Variants in RAB3GAP2 observed in about 807,000 individuals in gnomAD.
RAB3GAP2 encodes rab3 GTPase-activating protein non-catalytic subunit.
RAB3GAP2 carries 87 observed loss-of-function variants against 185.3 expected under a neutral mutation model. The ratio of observed to expected loss-of-function variants is 0.47; its 90% CI spans 0.39 to 0.56. The LOEUF (loss-of-function observed/expected upper bound fraction) is 0.56. RAB3GAP2 is among the 20% of genes least tolerant of loss of function. The probability of loss-of-function intolerance (pLI) is 0.00; values close to 1 mark genes in which losing one functional copy is unlikely to be tolerated. For missense variants in RAB3GAP2, 1,492 were observed against 1,638.2 expected, an observed-to-expected ratio of 0.91 and a Z score of 1.54; for synonymous variants, 554 against 576.1, an observed-to-expected ratio of 0.96 and a Z score of 0.55.
intron 9 of RAB3GAP2, among the ~76,000 whole-genome samples, chr1:220,201,372 T>C (rs1183804860): frequency 6.6e-6 from 1 of 152,222 alleles, no homozygotes; most frequent in East Asian, 1.9e-4. Flanking sequence ...GACTGATTTA[T>C]ATGGTCATTA....
chr1:220,227,755 T>G (rs1226802383), intron 2 of RAB3GAP2, among the ~76,000 whole-genome samples: 1 of 152,172 alleles, frequency 6.6e-6, no homozygotes, highest in African/African-American at 2.4e-5. Flanking sequence ...TTTTGTTTGT[T>G]TGTCTGTTTG....
intron 1 of RAB3GAP2, among the ~76,000 whole-genome samples, chr1:220,247,864 A>AT (rs1293236810): frequency 1.3e-5 from 2 of 152,146 alleles, no homozygotes; most frequent in Non-Finnish European, 2.9e-5. Context: ...CCACTTGGAA[A>AT]TTTTTTTAGT....
intron 2 of RAB3GAP2, among the ~76,000 whole-genome samples, chr1:220,227,844 C>T (rs903685150): frequency 1.7e-4 from 26 of 152,112 alleles, no homozygotes; most frequent in Non-Finnish European, 3.1e-4. Flanking sequence ...ATCCGCCTCC[C>T]GGGTTCAAGC....
At chr1:220,241,432 G>A (rs961498622) in intron 1 of RAB3GAP2, among the ~76,000 whole-genome samples, 12 of 151,996 alleles carry the variant, frequency 7.9e-5, no homozygotes, top group South Asian at 4.1e-4. Flanking sequence ...ATTCATTTCC[G>A]TTCTTCTGAG....
In RAB3GAP2 at chr1:220,159,390, C is replaced by T. The variant is rs375108658; in HGVS notation, c.3257G>A (p.Arg1086Gln). The stretch of plus-strand genomic sequence containing the variant: ...AGCTATGGGAGATTCACTTACCCTT[C>T]GGCATAACCTATCTTTTGGTGATTT... ...VGKSPKDRLC[R>Q]RDVGMSDTAM... The change falls in exon 29 of 35, where the codon CGA becomes CAA. Residue 1086 changes from arginine (R) to glutamine (Q), a missense_variant. Arg to Gln is a conservative substitution (Grantham distance 43, BLOSUM62 1). Coordinates refer to ENST00000358951, the MANE Select transcript of RAB3GAP2 (RefSeq NM_012414.4). The T allele has an allele frequency of 8.1e-6, 13 of 1,603,944 alleles. No individual in the cohort carries two copies. The South Asian group carries it at 9.9e-5, about 12-fold the overall frequency.
intron 22 of RAB3GAP2, 141 bp downstream of exon 22, chr1:220,172,496 T>C: frequency 4.6e-6 from 3 of 647,686 alleles, no homozygotes; most frequent in Non-Finnish European, 5.6e-6. Flanking sequence ...GAGTATTCTA[T>C]TAATACATAA....
chr1:220,250,307 C>T (rs542829021), intron 1 of RAB3GAP2, among the ~76,000 whole-genome samples: 8 of 152,298 alleles, frequency 5.3e-5, no homozygotes, highest in African/African-American at 1.9e-4. Context: ...AATGACTGCC[C>T]CCATTGAGTT....
intron 1 of RAB3GAP2, among the ~76,000 whole-genome samples, chr1:220,233,547 A>G (rs1374570765): frequency 6.6e-6 from 1 of 152,180 alleles, no homozygotes; most frequent in African/African-American, 2.4e-5. Flanking sequence ...AGAAAAAGCT[A>G]TCATTTTTGA....
chr1:220,197,079 C>G (rs1658742837), intron 9 of RAB3GAP2, among the ~76,000 whole-genome samples: 1 of 151,630 alleles, frequency 6.6e-6, no homozygotes, highest in South Asian at 2.1e-4. Context: ...CTCTGCCTCC[C>G]AGGTTCAAGC....
intron 27 of RAB3GAP2, among the ~76,000 whole-genome samples, 191 bp from the exon 28 acceptor site, chr1:220,162,459 C>G (rs1458504648): frequency 6.6e-6 from 1 of 151,984 alleles, no homozygotes; most frequent in African/African-American, 2.4e-5. Context: ...AAAATCAGAA[C>G]TAGGCTGTAT....
At chr1:220,211,084 T>C in intron 4 of RAB3GAP2, 82 bp from the exon 5 acceptor site, 1 of 1,348,238 alleles carries the variant, frequency 7.4e-7, no homozygotes, top group African/African-American at 1.4e-5. Context: ...TGTTAAAGGA[T>C]AATAACTGGA....
In RAB3GAP2 at chr1:220,171,929, G is replaced by A. The variant is rs772971528; in HGVS notation, c.2537C>T (p.Ser846Phe). 6.2e-7 allele frequency: 1 copy of A among 1,614,172 alleles called. No individual in the cohort carries two copies. The highest frequency in any genetic ancestry group is 2.2e-5 in the East Asian group (1 of 44,878). ...AALLSAHVGH[S>F]VAAQISNNMT... Reference sequence around the variant, plus strand: ...GTTGTTTGATATCTGTGCAGCAACAGAATGCCCAACATGCGCAGACAACAG... The same window carrying A: ...GTTGTTTGATATCTGTGCAGCAACAAAATGCCCAACATGCGCAGACAACAG... Residue 846 changes from serine to phenylalanine, a missense_variant, in exon 23 of 35, where the codon TCT becomes TTT. Ser to Phe is a radical substitution (Grantham distance 155). Transcript: ENST00000358951.
At position 220,172,056 on chromosome 1, in the gene RAB3GAP2, G is replaced by A. The variant is rs973067244; in HGVS notation, c.2417-7C>T. ...CAGGTCTCATCGATGGCCACTATAG[G>A]GATAGGAGAAAACAGAAAAATAAAC... is the stretch of plus-strand genomic sequence containing the variant. On this transcript the variant is annotated splice_region_variant and splice_polypyrimidine_tract_variant and intron_variant, in intron 22 of 34. Transcript: ENST00000358951. 4.3e-6 allele frequency: 7 copies of A among 1,613,878 alleles called. No individual in the cohort carries two copies. Among genetic ancestry groups the A allele is most frequent in the Non-Finnish European group, 5.9e-6 (7 of 1,179,930 alleles).
At chr1:220,244,996 T>A (rs1385295061) in intron 1 of RAB3GAP2, among the ~76,000 whole-genome samples, 1 of 152,150 alleles carries the variant, frequency 6.6e-6, no homozygotes, top group Admixed American at 6.5e-5. Flanking sequence ...AAAAAACTTC[T>A]GTACAGCAAA....
intron 32 of RAB3GAP2, chr1:220,153,661 T>C: frequency 5.6e-6 from 2 of 357,102 alleles, no homozygotes; most frequent in Admixed American, 4.3e-5. Context: ...TGTAGGTTTG[T>C]TACATATGTA....
At chr1:220,229,807 T>C (rs1659465759) in intron 2 of RAB3GAP2, among the ~76,000 whole-genome samples, 2 of 152,226 alleles carry the variant, frequency 1.3e-5, no homozygotes. Flanking sequence ...AAATTATAAA[T>C]GCATGTGTCC....
chr1:220,174,054 A>G (rs1657114938), intron 21 of RAB3GAP2, among the ~76,000 whole-genome samples: 1 of 151,470 alleles, frequency 6.6e-6, no homozygotes, highest in Admixed American at 6.6e-5. Flanking sequence ...GAAAAGAACT[A>G]AAATTGGATC....
At chr1:220,268,157 G>A (rs1359308591) in intron 1 of RAB3GAP2, among the ~76,000 whole-genome samples, 2 of 152,162 alleles carry the variant, frequency 1.3e-5, no homozygotes, top group East Asian at 3.9e-4. Context: ...GTGAAGAAAA[G>A]CAAAGGCAAA....
intron 2 of RAB3GAP2, among the ~76,000 whole-genome samples, chr1:220,227,375 T>TA (rs891152458): frequency 3.3e-5 from 5 of 152,206 alleles, no homozygotes; most frequent in African/African-American, 9.7e-5. Flanking sequence ...TCTCCTTTCC[T>TA]AAAAAAGCCT....
Sources: allele counts gnomAD v4.1 joint callset (sites outside exome capture counted in the v4.1 genomes callset), GRCh38; gene constraint gnomAD v4.1.1; transcripts MANE v1.5; gene names NCBI Gene and HGNC (gene_info 2026-07-23, HGNC 2026-07-21).